CCNJL: variants seen among roughly 807,000 people sequenced by gnomAD.
The protein encoded by CCNJL is cyclin J like.
A neutral mutation model predicts 33.4 loss-of-function variants in CCNJL; 33 were observed. The ratio of observed to expected loss-of-function variants is 0.99; its 90% CI spans 0.75 to 1.32. CCNJL has a LOEUF of 1.32. Among genes scored for constraint, CCNJL ranks in the 40% most tolerant of loss-of-function variants. The pLI, the probability that CCNJL is intolerant of heterozygous loss-of-function variation, is 0.00. For missense variants in CCNJL, 512 were observed against 499.7 expected, an observed-to-expected ratio of 1.02 and a Z score of -0.23; for synonymous variants, 227 against 220.9, an observed-to-expected ratio of 1.03 and a Z score of -0.24.
rs901039879 is a variant in CCNJL at position 160,333,284 on chromosome 5, G to A, written n.206+6161C>T. Reference sequence around the variant, plus strand: ...ACTACAGGCACCCGCCACCACGCCCGGCTAATTTTTTTGTATATTTTAGTA... The same window carrying A: ...ACTACAGGCACCCGCCACCACGCCCAGCTAATTTTTTTGTATATTTTAGTA... On this transcript the variant is annotated intron_variant and non_coding_transcript_variant, in intron 1 of 7. Coordinates refer to the CCNJL transcript ENST00000377503. Among the ~76,000 whole-genome samples, 4 of 151,862 alleles carry A rather than the reference G, an allele frequency of 2.6e-5. No individual in the cohort carries two copies. The South Asian group carries it at 6.3e-4, about 24-fold the overall frequency.
chr5:160,259,602 G>C lies in CCNJL; in HGVS notation c.450C>G (p.Phe150Leu). The change falls in exon 4 of 6, where the codon TTC becomes TTG. Residue 150 changes from phenylalanine to leucine, a missense_variant. Transcript: ENST00000257536. ...CGGAGGCCAAGAGGTAGTAGTCCAGGAAGTGGGCAGGCGTGGGCAGGCAGA... is the reference window on the plus strand; with the variant it reads ...CGGAGGCCAAGAGGTAGTAGTCCAGCAAGTGGGCAGGCGTGGGCAGGCAGA... The part of the protein sequence containing the change: ...WNLCLPTPAH[F>L]LDYYLLASVS... 2 of 1,614,232 alleles carry C rather than the reference G, an allele frequency of 1.2e-6. No homozygotes were observed. Among genetic ancestry groups the C allele is most frequent in the Non-Finnish European group, 1.7e-6 (2 of 1,180,040 alleles).
rs1763448880 is a variant in CCNJL at position 160,321,012 on chromosome 5, CT to C, written n.207-5508del. On this transcript the variant is annotated intron_variant and non_coding_transcript_variant, in intron 1 of 7. Transcript: ENST00000377503. Reference sequence around the variant, plus strand: ...TTTCTTTCTTTCTCTCTCTCTCTCTCTCTTTCTTTCTTTCTTTCTTTCTTTC... The same window carrying C: ...TTTCTTTCTTTCTCTCTCTCTCTCTCCTTTCTTTCTTTCTTTCTTTCTTTC... Among the ~76,000 whole-genome samples the C allele has an allele frequency of 1.8e-3, 126 of 71,992 alleles. 8 individuals are homozygous for C. Among genetic ancestry groups the C allele is most frequent in the African/African-American group, 7.4e-3 (107 of 14,492 alleles). The allele number at this position is 71,992 out of a possible 152,430, so 47.2% of individuals were successfully genotyped here. A position where few individuals can be genotyped will look rare whatever the true frequency, so the allele number is the denominator to read the frequency against.
rs1368924736 is a variant in CCNJL, at chr5:160,252,720, T to C, written c.*658A>G. On this transcript the variant is annotated 3_prime_UTR_variant, in exon 6 of 6. Transcript: ENST00000257536. Reference sequence around the variant, plus strand: ...TTTTCAAGTATCACCAAATCCCTGATACAGTGTGTAAACAAGACATCTTAC... The same window carrying C: ...TTTTCAAGTATCACCAAATCCCTGACACAGTGTGTAAACAAGACATCTTAC... The C allele has an allele frequency of 1.3e-5, 2 of 152,676 alleles. No individual in the cohort carries two copies. The highest frequency in any genetic ancestry group is 2.4e-5 in the African/African-American group (1 of 41,446). The allele number at this position is 152,676 out of a possible 1,614,324, so 9.5% of individuals were successfully genotyped here. A position where few individuals can be genotyped will look rare whatever the true frequency, so the allele number is the denominator to read the frequency against.
chr5:160,286,221 T>C (rs1481082643), intron 2 of CCNJL, among the ~76,000 whole-genome samples: 1 of 152,194 alleles, frequency 6.6e-6, no homozygotes, highest in Non-Finnish European at 1.5e-5. Flanking sequence ...CCTTCTAGAT[T>C]TTCCCTTGAG....
chr5:160,316,755 A>G (rs1374499774), upstream of CCNJL, among the ~76,000 whole-genome samples: 2 of 152,146 alleles, frequency 1.3e-5, no homozygotes, highest in Non-Finnish European at 2.9e-5. Context: ...TTGTTGTTTT[A>G]TGGCAGTGCC....
intron 2 of CCNJL, among the ~76,000 whole-genome samples, chr5:160,302,466 C>T (rs1319452080): frequency 6.6e-6 from 1 of 152,098 alleles, no homozygotes; most frequent in Non-Finnish European, 1.5e-5. Context: ...TATCAAAAAT[C>T]CCTTCTATTC....
intron 1 of CCNJL, among the ~76,000 whole-genome samples, chr5:160,331,425 T>C (rs1426627100): frequency 1.3e-5 from 2 of 151,724 alleles, no homozygotes; most frequent in African/African-American, 4.8e-5. Flanking sequence ...AGGGTTTCAC[T>C]GTGTTAGCCA....
upstream of CCNJL, among the ~76,000 whole-genome samples, chr5:160,317,018 G>T (rs1043938938): frequency 3.9e-5 from 6 of 152,198 alleles, no homozygotes; most frequent in African/African-American, 9.7e-5. Flanking sequence ...TGGTGTTAAT[G>T]GTTGGCACTG....
At chr5:160,300,697 AAG>A (rs1306092164) in intron 2 of CCNJL, among the ~76,000 whole-genome samples, 2 of 152,014 alleles carry the variant, frequency 1.3e-5, no homozygotes, top group South Asian at 4.2e-4. Flanking sequence ...TTTTTAAAAA[AAG>A]AGATAGGGGT....
intron 2 of CCNJL, chr5:160,281,251 C>G (rs891950795): frequency 1.7e-5 from 3 of 172,974 alleles, no homozygotes; most frequent in African/African-American, 7.2e-5. Flanking sequence ...ACATCTAATT[C>G]TTTCTGAGGG....
At chr5:160,296,958 C>T (rs1194067746) in intron 2 of CCNJL, among the ~76,000 whole-genome samples, 1 of 152,190 alleles carries the variant, frequency 6.6e-6, no homozygotes, top group Non-Finnish European at 1.5e-5. Flanking sequence ...AGGTATGTAA[C>T]TCTCTAAACT....
At chr5:160,336,507 A>C (rs1763685487) in intron 1 of CCNJL, among the ~76,000 whole-genome samples, 1 of 152,244 alleles carries the variant, frequency 6.6e-6, no homozygotes, top group Non-Finnish European at 1.5e-5. Flanking sequence ...CTTCAGAGTA[A>C]GCGCGGCCCT....
chr5:160,328,630 G>T (rs1763568166), intron 1 of CCNJL, among the ~76,000 whole-genome samples: 1 of 150,408 alleles, frequency 6.6e-6, no homozygotes, highest in Non-Finnish European at 1.5e-5. Context: ...GCTTACTCCT[G>T]TAATCCCAGC....
At chr5:160,308,731 G>A (rs1365150955) in intron 2 of CCNJL, among the ~76,000 whole-genome samples, 2 of 152,256 alleles carry the variant, frequency 1.3e-5, no homozygotes, top group Non-Finnish European at 2.9e-5. Context: ...ACTCTAGCCT[G>A]TGCGACAGAG....
At chr5:160,313,139 A>T (rs940228290), upstream of CCNJL, among the ~76,000 whole-genome samples, 1 of 152,144 alleles carries the variant, frequency 6.6e-6, no homozygotes, top group Non-Finnish European at 1.5e-5. Context: ...TATGCCTCAC[A>T]TTGGAGGAAA....
Position 160,264,217 on chromosome 5 carries a change from G to C in CCNJL, c.281-4446C>G, listed in dbSNP as rs1309593754. On this transcript the variant is annotated intron_variant, in intron 3 of 5. Coordinates refer to ENST00000257536, the MANE Select transcript of CCNJL (RefSeq NM_001308173.3). ...TGGGATTACAGGCATTAGCCACTGT[G>C]CCTAGTCACTATCAACATACTTATA... 3.9e-5 allele frequency among the ~76,000 whole-genome samples: 6 copies of C among 152,130 alleles called. No individual in the cohort carries two copies. The East Asian group carries it at 9.6e-4, about 24-fold the overall frequency.
rs866038801 is a variant in CCNJL at position 160,269,425 on chromosome 5, G to A, written c.281-9654C>T. The A allele has an allele frequency of 1.8e-5, 8 of 456,368 alleles. No homozygotes were observed. The Middle Eastern group carries it at 1.9e-3, about 111-fold the overall frequency. The allele number at this position is 456,368 out of a possible 1,614,324, so 28.3% of individuals were successfully genotyped here. A position where few individuals can be genotyped will look rare whatever the true frequency, so the allele number is the denominator to read the frequency against. ...ATCTCCTGTCACGAAAGAAGGTTTC[G>A]GTGTCACTGCTTTAAAGAAAGCTCA... is the stretch of plus-strand genomic sequence containing the variant. On this transcript the variant is annotated intron_variant, in intron 3 of 5. Coordinates refer to ENST00000257536, the MANE Select transcript of CCNJL (RefSeq NM_001308173.3).
In CCNJL at chr5:160,259,498, G is replaced by A. The variant is rs1277991302; in HGVS notation, c.554C>T (p.Ala185Val). 6.2e-7 allele frequency: 1 copy of A among 1,613,916 alleles called. No homozygotes were observed. Among genetic ancestry groups the A allele is most frequent in the Admixed American group, 1.7e-5 (1 of 60,014 alleles). The change falls in exon 4 of 6, where the codon GCC (alanine) becomes GTC (valine). Residue 185 changes from alanine to valine, a missense_variant. Physicochemically the swap from Ala to Val is moderately conservative, Grantham distance 64. Coordinates refer to ENST00000257536, the MANE Select transcript of CCNJL (RefSeq NM_001308173.3). ...RKTKECLKEY[A>V]HYFLEVTLQD... ...CAGGGTGACCTCTAGGAAGTAATGG[G>A]CATACTCCTTGAGGCACTCTTTGGT...
intron 1 of CCNJL, among the ~76,000 whole-genome samples, chr5:160,325,737 T>C (rs756088117): frequency 1.3e-5 from 2 of 152,210 alleles, no homozygotes; most frequent in Non-Finnish European, 2.9e-5. Flanking sequence ...TTTTTTAACA[T>C]AAAAATCCTG....
Sources: allele counts gnomAD v4.1 joint callset (sites outside exome capture counted in the v4.1 genomes callset), GRCh38; gene constraint gnomAD v4.1.1; transcripts MANE v1.5; gene names NCBI Gene and HGNC (gene_info 2026-07-23, HGNC 2026-07-21).